The following TENM2 variants were observed in gnomAD, a reference collection of about 807,000 sequenced individuals.
TENM2 encodes the protein teneurin transmembrane protein 2.
TENM2 carries 52 observed loss-of-function variants against 245.2 expected under a neutral mutation model. The observed-to-expected ratio is 0.21, with a 90% CI of 0.17 to 0.27. The LOEUF (loss-of-function observed/expected upper bound fraction) is 0.27. TENM2 is among the 10% of genes least tolerant of loss of function. TENM2 has a pLI of 1.00. For synonymous variants in TENM2, 1,363 were observed against 1,438.9 expected, an observed-to-expected ratio of 0.95 and a Z score of 1.19; for missense variants, 3,046 against 3,666.8, an observed-to-expected ratio of 0.83 and a Z score of 4.37.
the TENM2 span, among the ~76,000 whole-genome samples, chr5:167,256,937 T>A: frequency 2.6e-3 from 389 of 152,232 alleles, 1 homozygote; most frequent in South Asian, 0.021. Flanking sequence ...GTGTAAAAAG[T>A]TAAGGGAGTT....
chr5:168,176,235 G>T lies in TENM2; in HGVS notation c.2569+13478G>T, dbSNP rs542298995. Among the ~76,000 whole-genome samples the T allele has an allele frequency of 2.0e-5, 3 of 152,246 alleles. No homozygotes were observed. The East Asian group carries it at 5.8e-4, about 29-fold the overall frequency. On this transcript the variant is annotated intron_variant, in intron 13 of 28. Coordinates refer to ENST00000518659, the Ensembl canonical transcript of TENM2. ...CCTATCACACCCCTGCTCAAGCCTTGCCAGGGCCTCTCATCTCCCGTAGCA... is the reference window on the plus strand; with the variant it reads ...CCTATCACACCCCTGCTCAAGCCTTTCCAGGGCCTCTCATCTCCCGTAGCA...
the TENM2 span, among the ~76,000 whole-genome samples, chr5:167,005,665 T>G: frequency 2.1e-5 from 3 of 140,836 alleles, no homozygotes; most frequent in East Asian, 2.0e-4. Flanking sequence ...GTTTTTTTTT[T>G]TTTTTTTTTT....
chr5:167,995,433 CT>C (rs1199565605), intron 5 of TENM2, among the ~76,000 whole-genome samples: 3 of 152,184 alleles, frequency 2.0e-5, no homozygotes, highest in African/African-American at 7.2e-5. Flanking sequence ...TAAGATTATG[CT>C]TTGACCCTAG....
the TENM2 span, among the ~76,000 whole-genome samples, chr5:167,013,942 G>GT: frequency 3.3e-5 from 5 of 152,118 alleles, no homozygotes; most frequent in African/African-American, 1.2e-4. Context: ...ACCATGGCAG[G>GT]TTGGCAAATT....
intron 2 of TENM2, among the ~76,000 whole-genome samples, chr5:167,477,851 G>A (rs1182289322): frequency 6.6e-6 from 1 of 151,970 alleles, no homozygotes; most frequent in Non-Finnish European, 1.5e-5. Flanking sequence ...GGCAATAGGT[G>A]GGAAAGAAGG....
intron 2 of TENM2, among the ~76,000 whole-genome samples, chr5:167,785,828 C>T (rs1764539052): frequency 6.6e-6 from 1 of 152,156 alleles, no homozygotes; most frequent in Non-Finnish European, 1.5e-5. Flanking sequence ...CCACAAGTAC[C>T]ATGTAGGTTG....
intron 1 of TENM2, among the ~76,000 whole-genome samples, chr5:167,350,283 A>G (rs1342883378): frequency 6.6e-6 from 1 of 152,070 alleles, no homozygotes; most frequent in Non-Finnish European, 1.5e-5. Context: ...ATAGGAAGTC[A>G]ATAATTTATT....
At chr5:167,159,222 C>T in the TENM2 span, among the ~76,000 whole-genome samples, 6 of 151,884 alleles carry the variant, frequency 4.0e-5, 1 homozygote, top group Admixed American at 1.3e-4. Context: ...GGATTACAGG[C>T]GTGAGCCACT....
chr5:167,810,344 T>G (rs562373321), intron 2 of TENM2, among the ~76,000 whole-genome samples: 307 of 152,220 alleles, frequency 2.0e-3, no homozygotes, highest in African/African-American at 6.7e-3. Flanking sequence ...GGCAGAAGTT[T>G]CCAGTGTAAC....
At chr5:167,545,990 A>G (rs902316314) in intron 2 of TENM2, among the ~76,000 whole-genome samples, 1 of 152,222 alleles carries the variant, frequency 6.6e-6, no homozygotes, top group Non-Finnish European at 1.5e-5. Flanking sequence ...TTTAGAAAAA[A>G]GTTATTGACA....
At chr5:167,834,942 G>A (rs984256134) in intron 2 of TENM2, among the ~76,000 whole-genome samples, 7 of 152,116 alleles carry the variant, frequency 4.6e-5, no homozygotes, top group South Asian at 2.1e-4. Context: ...GAGCCACTGC[G>A]CCCGGCCTTT....
the TENM2 span, among the ~76,000 whole-genome samples, chr5:167,062,852 G>C: frequency 4.4e-4 from 67 of 152,126 alleles, 3 homozygotes. Flanking sequence ...AAATCCAAAG[G>C]TCGAAGGAGC....
intron 2 of TENM2, among the ~76,000 whole-genome samples, chr5:167,621,106 A>G (rs540358271): frequency 3.3e-5 from 5 of 152,190 alleles, no homozygotes; most frequent in African/African-American, 1.2e-4. Flanking sequence ...CAAGTATTTA[A>G]TAAGTGATGA....
the TENM2 span, among the ~76,000 whole-genome samples, chr5:166,995,665 A>T: frequency 1.3e-5 from 2 of 151,632 alleles, no homozygotes; most frequent in Admixed American, 1.3e-4. Context: ...AAAATACAAA[A>T]ATTAGCCAGG....
intron 2 of TENM2, among the ~76,000 whole-genome samples, chr5:167,692,362 T>C (rs935470845): frequency 2.6e-5 from 4 of 152,192 alleles, no homozygotes; most frequent in African/African-American, 9.7e-5. Context: ...TGAGGCTTTA[T>C]TGGAAACACA....
chr5:167,036,377 A>T, the TENM2 span, among the ~76,000 whole-genome samples: 2 of 152,154 alleles, frequency 1.3e-5, no homozygotes, highest in African/African-American at 4.8e-5. Flanking sequence ...TTTCTTGTTT[A>T]TTGTGCCTCA....
At chr5:167,682,534 A>T (rs1756801952) in intron 2 of TENM2, among the ~76,000 whole-genome samples, 1 of 152,174 alleles carries the variant, frequency 6.6e-6, no homozygotes, top group African/African-American at 2.4e-5. Flanking sequence ...TGATAAAATG[A>T]TTATCAATAA....
At chr5:167,371,311 C>T (rs1163390798) in intron 1 of TENM2, among the ~76,000 whole-genome samples, 2 of 149,362 alleles carry the variant, frequency 1.3e-5, no homozygotes, top group East Asian at 2.0e-4. Context: ...CCTTGCACCA[C>T]GATGTGACCT....
At chr5:167,723,750 T>G (rs1759800197) in intron 2 of TENM2, among the ~76,000 whole-genome samples, 1 of 152,216 alleles carries the variant, frequency 6.6e-6, no homozygotes, top group Admixed American at 6.5e-5. Flanking sequence ...TCCTGCATCC[T>G]ACTGCAGTTT....
Sources: allele counts gnomAD v4.1 joint callset (sites outside exome capture counted in the v4.1 genomes callset), GRCh38; gene constraint gnomAD v4.1.1; transcripts MANE v1.5; gene names NCBI Gene and HGNC (gene_info 2026-07-23, HGNC 2026-07-21).